Variants in VEPH1 observed in about 807,000 individuals in gnomAD.
VEPH1 encodes the protein ventricular zone expressed PH domain containing 1.
VEPH1 carries 80 observed loss-of-function variants against 85.2 expected under a neutral mutation model. The observed-to-expected ratio is 0.94, with a 90% CI of 0.78 to 1.13. VEPH1 has a LOEUF of 1.13. Ranked by LOEUF, VEPH1 falls within the 50% of genes most tolerant of loss-of-function variation. The pLI, the probability that VEPH1 is intolerant of heterozygous loss-of-function variation, is 0.00. For synonymous variants in VEPH1, 297 were observed against 348.0 expected (o/e 0.85, Z 1.63); for missense variants, 955 against 980.5 (o/e 0.97, Z 0.35).
In VEPH1 at chr3:157,332,053, T is replaced by A. The variant is rs1722557464; in HGVS notation, c.1736-14852A>T. Among the ~76,000 whole-genome samples, 3 of 152,210 alleles carry A rather than the reference T, an allele frequency of 2.0e-5. No homozygotes were observed. The South Asian group carries it at 6.2e-4, about 31-fold the overall frequency. Reference sequence around the variant, plus strand: ...ACCTTACAGGGTCAAATAAAACATTTAAAATACTGCCCAGTACATGGTGCT... The same window carrying A: ...ACCTTACAGGGTCAAATAAAACATTAAAAATACTGCCCAGTACATGGTGCT... On this transcript the variant is annotated intron_variant, in intron 9 of 13. Coordinates refer to ENST00000362010, the MANE Select transcript of VEPH1 (RefSeq NM_001167912.2).
At chr3:157,361,904 A>G (rs1485517842) in intron 9 of VEPH1, among the ~76,000 whole-genome samples, 5 of 152,214 alleles carry the variant, frequency 3.3e-5, no homozygotes, top group Non-Finnish European at 7.4e-5. Context: ...AAATATCAAA[A>G]TTGTAATTAG....
At chr3:157,348,538 T>C (rs57330741) in intron 9 of VEPH1, among the ~76,000 whole-genome samples, 6,338 of 152,326 alleles carry the variant, frequency 0.042, 211 homozygotes, top group South Asian at 0.11. Context: ...TTGTTGGTCA[T>C]ATGTGTGTCT....
chr3:157,446,159 T>C (rs57861002), intron 4 of VEPH1, among the ~76,000 whole-genome samples: 4,671 of 151,980 alleles, frequency 0.031, 272 homozygotes, highest in African/African-American at 0.11. Flanking sequence ...GGAGGAAAGA[T>C]GTATGTGTAA....
intron 9 of VEPH1, among the ~76,000 whole-genome samples, chr3:157,347,686 T>A (rs1724384929): frequency 6.6e-6 from 1 of 152,222 alleles, no homozygotes; most frequent in South Asian, 2.1e-4. Flanking sequence ...TTTTATGGAT[T>A]GGATCTGCCT....
chr3:157,358,500 A>G (rs928200726), intron 9 of VEPH1, among the ~76,000 whole-genome samples: 13 of 152,184 alleles, frequency 8.5e-5, no homozygotes, highest in Non-Finnish European at 1.5e-4. Flanking sequence ...CCATGATTAA[A>G]CTAATCCATT....
intron 7 of VEPH1, among the ~76,000 whole-genome samples, chr3:157,379,623 C>A (rs1333051412): frequency 6.6e-6 from 1 of 152,174 alleles, no homozygotes; most frequent in Admixed American, 6.5e-5. Flanking sequence ...ACCCAAATGA[C>A]TAAATGCTCA....
chr3:157,416,795 A>C (rs1731945558), intron 5 of VEPH1, among the ~76,000 whole-genome samples: 1 of 152,122 alleles, frequency 6.6e-6, no homozygotes. Context: ...AAGAGAAATA[A>C]AGAAAGAGAG....
chr3:157,440,660 G>A (rs1276076151), intron 4 of VEPH1, among the ~76,000 whole-genome samples: 1 of 151,632 alleles, frequency 6.6e-6, no homozygotes, highest in African/African-American at 2.4e-5. Context: ...ATGTATATAT[G>A]TGTGTATATA....
At chr3:157,339,834 G>A (rs1024182948) in intron 9 of VEPH1, among the ~76,000 whole-genome samples, 2 of 152,136 alleles carry the variant, frequency 1.3e-5, no homozygotes, top group African/African-American at 2.4e-5. Context: ...TTATGGTTGT[G>A]GTATTCCAAG....
At chr3:157,421,283 C>G (rs1353574265) in intron 5 of VEPH1, among the ~76,000 whole-genome samples, 1 of 152,082 alleles carries the variant, frequency 6.6e-6, no homozygotes. Flanking sequence ...CCCTCCAGCC[C>G]TGGAAAGCCA....
intron 3 of VEPH1, among the ~76,000 whole-genome samples, chr3:157,465,786 C>T (rs1736310400): frequency 6.6e-6 from 1 of 152,206 alleles, no homozygotes; most frequent in Non-Finnish European, 1.5e-5. Flanking sequence ...GAAAAGTAGA[C>T]ACTTTCTGAT....
chr3:157,274,188 A>G (rs1273644927), intron 12 of VEPH1, among the ~76,000 whole-genome samples: 2 of 152,250 alleles, frequency 1.3e-5, no homozygotes, highest in Non-Finnish European at 2.9e-5. Flanking sequence ...TAAAAGTGCC[A>G]CAACAGTTGA....
intron 9 of VEPH1, among the ~76,000 whole-genome samples, chr3:157,350,647 T>C (rs1724761445): frequency 6.6e-6 from 1 of 152,124 alleles, no homozygotes; most frequent in Admixed American, 6.5e-5. Flanking sequence ...ATCAAGAATA[T>C]ACAAGGAATT....
rs1218003125 is a variant in VEPH1, at chr3:157,414,077, C to T, written c.710G>A (p.Cys237Tyr). 1 of 1,609,298 alleles carries T rather than the reference C, an allele frequency of 6.2e-7. No individual in the cohort carries two copies. The highest frequency in any genetic ancestry group is 1.7e-5 in the Admixed American group (1 of 59,872). ...KKKQLEVVQK[C>Y]IPFLIGHLKD... ...CAAATGCCCAATTAGGAAAGGAATA[C>T]ACTTCTGAACTACCTATAAAGAGAG... The change falls in exon 6 of 14, where the codon TGT becomes TAT. Residue 237 changes from cysteine (C) to tyrosine (Y), a missense_variant. Coordinates refer to ENST00000362010, the MANE Select transcript of VEPH1 (RefSeq NM_001167912.2).
Position 157,289,568 on chromosome 3 carries a change from C to G in VEPH1, c.2011-2894G>C, listed in dbSNP as rs552140129. The stretch of plus-strand genomic sequence containing the variant: ...AATCAAAGCAAAATAAATCACAAAA[C>G]AAGCAAACACAAACCAACAACCAGT... On this transcript the variant is annotated intron_variant, in intron 11 of 13. Transcript: ENST00000362010. 2.6e-5 allele frequency among the ~76,000 whole-genome samples: 4 copies of G among 152,248 alleles called. No homozygotes were observed. In the South Asian group the frequency reaches 8.3e-4, roughly 32 times the overall value.
At chr3:157,422,687 C>A (rs1732436847) in intron 5 of VEPH1, among the ~76,000 whole-genome samples, 1 of 152,220 alleles carries the variant, frequency 6.6e-6, no homozygotes, top group African/African-American at 2.4e-5. Context: ...AAAATTGGTT[C>A]TCTCATTTGT....
chr3:157,310,287 T>TG (rs1027020500), intron 11 of VEPH1, among the ~76,000 whole-genome samples: 1 of 152,160 alleles, frequency 6.6e-6, no homozygotes, highest in Non-Finnish European at 1.5e-5. Flanking sequence ...TGAGGTGGGG[T>TG]GCTGGCTAGG....
rs570978491 is a variant in VEPH1 at position 157,485,181 on chromosome 3, G to A, written c.138+10031C>T. Among the ~76,000 whole-genome samples the A allele has an allele frequency of 7.2e-5, 11 of 152,194 alleles. No individual in the cohort carries two copies. In the South Asian group the frequency reaches 2.3e-3, roughly 32 times the overall value. ...CTTTCTGCATACACAATAAGTTTCTGTTTCAGTGCCACATTATAGTCTAGT... is the reference window on the plus strand; with the variant it reads ...CTTTCTGCATACACAATAAGTTTCTATTTCAGTGCCACATTATAGTCTAGT... On this transcript the variant is annotated intron_variant, in intron 2 of 13. Transcript: ENST00000362010.
chr3:157,356,876 C>T (rs1157685711), intron 9 of VEPH1, among the ~76,000 whole-genome samples: 3 of 152,086 alleles, frequency 2.0e-5, no homozygotes, highest in Non-Finnish European at 4.4e-5. Flanking sequence ...GGCTCAGGAC[C>T]ATTTTATACT....
Sources: gnomAD v4.1 joint callset for allele counts (sites outside exome capture counted in the v4.1 genomes callset) on GRCh38, gnomAD v4.1.1 for gene constraint, MANE v1.5 for transcripts, NCBI Gene and HGNC (gene_info 2026-07-23, HGNC 2026-07-21) for gene names.